The following CSMD1 variants were observed in gnomAD, a reference collection of about 807,000 sequenced individuals.
The protein encoded by CSMD1 is CUB and Sushi multiple domains 1, also known as CUB and sushi domain-containing protein 1.
CSMD1 carries 213 observed loss-of-function variants against 417.5 expected under a neutral mutation model. The observed-to-expected ratio is 0.51, with a 90% CI of 0.46 to 0.57. The LOEUF is 0.57. CSMD1 is among the 20% of genes least tolerant of loss of function. The pLI, the probability that CSMD1 is intolerant of heterozygous loss-of-function variation, is 0.00. For missense variants in CSMD1, 6,923 were observed against 4,529.7 expected, an observed-to-expected ratio of 1.53 and a Z score of -15.17; for synonymous variants, 2,862 against 1,736.8, an observed-to-expected ratio of 1.65 and a Z score of -16.11.
intron 3 of CSMD1, among the ~76,000 whole-genome samples, chr8:4,183,239 A>G (rs940963312): frequency 6.6e-6 from 1 of 152,238 alleles, no homozygotes; most frequent in Non-Finnish European, 1.5e-5. Context: ...GATCATCTCT[A>G]AGAAAATTTG....
chr8:4,708,479 C>T (rs1295128614), intron 1 of CSMD1, among the ~76,000 whole-genome samples: 1 of 152,252 alleles, frequency 6.6e-6, no homozygotes, highest in African/African-American at 2.4e-5. Flanking sequence ...GTAATGGTTA[C>T]CATCCTGATA....
intron 1 of CSMD1, among the ~76,000 whole-genome samples, chr8:4,697,945 C>G (rs1303936563): frequency 6.6e-6 from 1 of 152,080 alleles, no homozygotes; most frequent in Admixed American, 6.5e-5. Context: ...TTGGTCCTGT[C>G]AAGACAAATA....
intron 3 of CSMD1, among the ~76,000 whole-genome samples, chr8:4,415,034 C>T (rs1411644436): frequency 6.6e-6 from 1 of 152,158 alleles, no homozygotes; most frequent in African/African-American, 2.4e-5. Flanking sequence ...AAAATGCTAT[C>T]CTTCGTTTCA....
chr8:4,568,531 T>C (rs1333903272), intron 2 of CSMD1, among the ~76,000 whole-genome samples: 1 of 152,208 alleles, frequency 6.6e-6, no homozygotes, highest in Non-Finnish European at 1.5e-5. Flanking sequence ...TGATGGGCAT[T>C]TGGGTTGATT....
chr8:3,972,694 A>G (rs745838864), intron 5 of CSMD1, among the ~76,000 whole-genome samples: 46 of 152,228 alleles, frequency 3.0e-4, no homozygotes, highest in Non-Finnish European at 8.8e-5. Flanking sequence ...TGGATATTGC[A>G]AATAGCTTCT....
chr8:3,617,880 A>G (rs1802221752), intron 7 of CSMD1, among the ~76,000 whole-genome samples: 1 of 152,206 alleles, frequency 6.6e-6, no homozygotes, highest in South Asian at 2.1e-4. Context: ...ATAAATATAC[A>G]TTTTCTCACA....
At chr8:3,772,983 G>T (rs930119329) in intron 5 of CSMD1, among the ~76,000 whole-genome samples, 1 of 152,056 alleles carries the variant, frequency 6.6e-6, no homozygotes, top group South Asian at 2.1e-4. Context: ...CCCACTTCTG[G>T]GAAGGACTGG....
intron 3 of CSMD1, among the ~76,000 whole-genome samples, chr8:4,119,160 T>A (rs765085188): frequency 6.6e-6 from 1 of 152,086 alleles, no homozygotes. Flanking sequence ...AAAACCTAGA[T>A]GATGGTTTGA....
chr8:2,936,750 T>C lies in CSMD1; in HGVS notation c.*1835A>G, dbSNP rs1801514163. 1 of 152,188 alleles carries C rather than the reference T, an allele frequency of 6.6e-6. No individual in the cohort carries two copies. Among genetic ancestry groups the C allele is most frequent in the Non-Finnish European group, 1.5e-5 (1 of 68,042 alleles). 9.4% of individuals were successfully genotyped at this position (152,188 alleles called of 1,614,324 possible). ...CACTGGGAGCCGAGCTCTACGGAAA[T>C]GTCCGAATCAAAACGCGTGACTCTC... is the stretch of plus-strand genomic sequence containing the variant. On this transcript the variant is annotated 3_prime_UTR_variant, in exon 70 of 70. Coordinates refer to ENST00000635120, the MANE Select transcript of CSMD1 (RefSeq NM_033225.6).
At chr8:3,571,977 C>T (rs1308949407) in intron 10 of CSMD1, among the ~76,000 whole-genome samples, 1 of 152,160 alleles carries the variant, frequency 6.6e-6, no homozygotes, top group African/African-American at 2.4e-5. Flanking sequence ...CCCTAAAGCG[C>T]AGCCTTCCTA....
chr8:2,951,250 A>G lies in CSMD1; in HGVS notation c.10065T>C (p.Asn3355=), dbSNP rs758451817. Residue 3355 remains asparagine (N), a synonymous_variant, in exon 66 of 70, where the codon AAT becomes AAC. Coordinates refer to ENST00000635120, the MANE Select transcript of CSMD1 (RefSeq NM_033225.6). ...ATTCATAATACCCCTTCCACAGTGA[A>G]TTGACGAAAAAGACATCTGAAGGAA... ...TPVPSDVFFV[N]SLWKGYYEYL... The G allele has an allele frequency of 1.2e-6, 2 of 1,606,296 alleles. No homozygotes were observed. Among genetic ancestry groups the G allele is most frequent in the Admixed American group, 1.7e-5 (1 of 58,856 alleles).
At position 4,717,155 on chromosome 8, in the gene CSMD1, T is replaced by C. The variant is rs572512502; in HGVS notation, c.86-79597A>G. On this transcript the variant is annotated intron_variant, in intron 1 of 69. Coordinates refer to ENST00000635120, the MANE Select transcript of CSMD1 (RefSeq NM_033225.6). ...ATCATTAGGAAAAAAAACTAGGGTATACAGTGAGATATTTGGGAGTCAGGA... is the reference window on the plus strand; with the variant it reads ...ATCATTAGGAAAAAAAACTAGGGTACACAGTGAGATATTTGGGAGTCAGGA... 7.9e-5 allele frequency among the ~76,000 whole-genome samples: 12 copies of C among 151,762 alleles called. No homozygotes were observed. In the South Asian group the frequency reaches 2.3e-3, roughly 29 times the overall value.
At chr8:3,037,246 C>A (rs2128981417) in intron 50 of CSMD1, among the ~76,000 whole-genome samples, 1 of 150,650 alleles carries the variant, frequency 6.6e-6, no homozygotes, top group East Asian at 1.9e-4. Flanking sequence ...CGCTCTGTGG[C>A]CCAGGCTGGA....
At chr8:4,275,006 T>C (rs144105028) in intron 3 of CSMD1, among the ~76,000 whole-genome samples, 2,764 of 152,268 alleles carry the variant, frequency 0.018, 46 homozygotes, top group Non-Finnish European at 0.028. Flanking sequence ...CAGGTATAAA[T>C]AGTTAATACA....
chr8:4,538,037 T>TAAAA (rs1199191783), intron 2 of CSMD1, among the ~76,000 whole-genome samples: 14 of 152,292 alleles, frequency 9.2e-5, no homozygotes, highest in Admixed American at 5.9e-4. Context: ...TGAGTATAAA[T>TAAAA]ATAGCTGTCA....
At chr8:4,276,999 G>A (rs1023059509) in intron 3 of CSMD1, among the ~76,000 whole-genome samples, 1 of 151,996 alleles carries the variant, frequency 6.6e-6, no homozygotes, top group African/African-American at 2.4e-5. Context: ...TAAACTCCAG[G>A]TTAAGTTTAA....
intron 7 of CSMD1, among the ~76,000 whole-genome samples, chr8:3,667,143 AGGG>A (rs1007341169): frequency 6.6e-6 from 1 of 152,116 alleles, no homozygotes; most frequent in Non-Finnish European, 1.5e-5. Context: ...AGTGAGGTAA[AGGG>A]GGGCTGTTCT....
chr8:3,858,920 C>T (rs961455455), intron 5 of CSMD1, among the ~76,000 whole-genome samples: 1 of 152,072 alleles, frequency 6.6e-6, no homozygotes, highest in Non-Finnish European at 1.5e-5. Context: ...ATGGATTTGG[C>T]GAGTTGGTTG....
At chr8:3,105,938 G>A (rs1585362789) in intron 46 of CSMD1, among the ~76,000 whole-genome samples, 1 of 152,154 alleles carries the variant, frequency 6.6e-6, no homozygotes, top group East Asian at 1.9e-4. Context: ...TTTCAACTTT[G>A]CCATGTTTGA....
Sources: gnomAD v4.1 joint callset for allele counts (sites outside exome capture counted in the v4.1 genomes callset) on GRCh38, gnomAD v4.1.1 for gene constraint, MANE v1.5 for transcripts, NCBI Gene and HGNC (gene_info 2026-07-23, HGNC 2026-07-21) for gene names.